DLEC1: variants seen among roughly 807,000 people sequenced by gnomAD.
The protein encoded by DLEC1 is DLEC1 cilia and flagella associated protein.
In DLEC1, 146 loss-of-function variants were observed where a neutral mutation model predicts 198.1. The ratio of observed to expected loss-of-function variants is 0.74; its 90% CI spans 0.64 to 0.85. The LOEUF (loss-of-function observed/expected upper bound fraction) is 0.85. DLEC1 is among the 40% of genes least tolerant of loss of function. DLEC1 has a pLI of 0.00. For missense variants in DLEC1, 2,233 were observed against 2,220.0 expected, an observed-to-expected ratio of 1.01 and a Z score of -0.12; for synonymous variants, 897 against 866.8, an observed-to-expected ratio of 1.03 and a Z score of -0.61.
In DLEC1 at chr3:38,122,686, G is replaced by GTCTT; in HGVS notation, c.*275_*278dup. ...AGCGAAGACCAGTATGGCAAAATTAGTCTTGGAAAAAAACCACAGCCACTA... is the reference window on the plus strand; with the variant it reads ...AGCGAAGACCAGTATGGCAAAATTAGTCTTTCTTGGAAAAAAACCACAGCCACTA... On this transcript the variant is annotated 3_prime_UTR_variant, in exon 37 of 37. Coordinates refer to ENST00000308059, the MANE Select transcript of DLEC1 (RefSeq NM_007335.4). 7.1e-7 allele frequency: 1 copy of GTCTT among 1,412,984 alleles called. No individual in the cohort carries two copies. The highest frequency in any genetic ancestry group is 9.2e-7 in the Non-Finnish European group (1 of 1,082,844). 87.5% of individuals were successfully genotyped at this position (1,412,984 alleles called of 1,614,324 possible).
chr3:38,112,441 C>A lies in DLEC1; in HGVS notation c.3666+80C>A. ...CGCCTTCAGCCTCTCTCCCCTCCAA[C>A]ACCTGGCCCTCAGACTCTCAAACCT... On this transcript the variant is annotated intron_variant, in intron 25 of 36. Coordinates refer to ENST00000308059, the MANE Select transcript of DLEC1 (RefSeq NM_007335.4). The surrounding 1 kb of genome is among the most constrained non-coding windows in gnomAD (Gnocchi z 4.8). 6.3e-7 allele frequency: 1 copy of A among 1,576,594 alleles called. No homozygotes were observed. Among genetic ancestry groups the A allele is most frequent in the East Asian group, 2.3e-5 (1 of 44,242 alleles).
At chr3:38,100,500 A>G (rs1699251779) in intron 19 of DLEC1, 75 bp downstream of exon 19, 5 of 1,416,684 alleles carry the variant, frequency 3.5e-6, no homozygotes, top group South Asian at 3.5e-5. Flanking sequence ...TTATATATTT[A>G]TCTAGAGATG....
intron 1 of DLEC1, among the ~76,000 whole-genome samples, chr3:38,041,863 A>AG (rs1304663069): frequency 2.0e-5 from 3 of 151,958 alleles, no homozygotes; most frequent in African/African-American, 7.2e-5. Flanking sequence ...AAAAAAAAAA[A>AG]AAAGAAATAC....
chr3:38,063,411 C>T (rs1696802892), intron 5 of DLEC1, among the ~76,000 whole-genome samples: 1 of 151,970 alleles, frequency 6.6e-6, no homozygotes, highest in South Asian at 2.1e-4. Context: ...CTGCAGTGAG[C>T]CAAGATTGTG....
At chr3:38,118,623 G>A (rs371558807) in intron 33 of DLEC1, among the ~76,000 whole-genome samples, 1 of 152,112 alleles carries the variant, frequency 6.6e-6, no homozygotes, top group Non-Finnish European at 1.5e-5. Context: ...CTGAGTGTGC[G>A]CACACCCATA....
chr3:38,091,198 C>T (rs1288250466), intron 10 of DLEC1, among the ~76,000 whole-genome samples: 1 of 152,050 alleles, frequency 6.6e-6, no homozygotes, highest in East Asian at 1.9e-4. Context: ...AAAATAGGGG[C>T]CAGGTGCGGT....
intron 6 of DLEC1, among the ~76,000 whole-genome samples, chr3:38,076,558 A>G (rs576679964): frequency 7.2e-5 from 11 of 152,232 alleles, no homozygotes; most frequent in East Asian, 1.9e-4. Flanking sequence ...TCACAAGGTA[A>G]TGTCATCACT....
rs562764572 is a variant in DLEC1, at chr3:38,039,702, A to T, written c.411+66A>T. 12 of 1,511,614 alleles carry T rather than the reference A, an allele frequency of 7.9e-6. No homozygotes were observed. In the African/African-American group the frequency reaches 1.3e-4, roughly 16 times the overall value. The allele number at this position is 1,511,614 out of a possible 1,614,324, so 93.6% of individuals were successfully genotyped here. A position where few individuals can be genotyped will look rare whatever the true frequency, so the allele number is the denominator to read the frequency against. On this transcript the variant is annotated intron_variant, in intron 1 of 36. Coordinates refer to ENST00000308059, the MANE Select transcript of DLEC1 (RefSeq NM_007335.4). Reference sequence around the variant, plus strand: ...GTCTCAGCGCTCGGCACGCGTCAGCACCTGCCAGGTGCCAGGCGCTGTTCC... The same window carrying T: ...GTCTCAGCGCTCGGCACGCGTCAGCTCCTGCCAGGTGCCAGGCGCTGTTCC...
intron 2 of DLEC1, among the ~76,000 whole-genome samples, chr3:38,059,129 G>C (rs527921335): frequency 6.0e-4 from 92 of 152,270 alleles, no homozygotes; most frequent in African/African-American, 2.1e-3. Context: ...GGAATTGGCC[G>C]AGCTGGCTGG....
At chr3:38,061,314 G>A (rs1460478376) in intron 3 of DLEC1, among the ~76,000 whole-genome samples, 1 of 152,116 alleles carries the variant, frequency 6.6e-6, no homozygotes, top group Non-Finnish European at 1.5e-5. Flanking sequence ...GAGTAGCTGG[G>A]ATTAAAGGCG....
chr3:38,113,570 G>C (rs966281272), intron 25 of DLEC1, among the ~76,000 whole-genome samples: 21 of 101,782 alleles, frequency 2.1e-4, no homozygotes, highest in African/African-American at 5.6e-4. Context: ...ATATGTCTCT[G>C]GTCCCAGCTA....
Position 38,115,142 on chromosome 3 carries a change from G to A in DLEC1, c.3856+89G>A, listed in dbSNP as rs80150775. 4.5e-3 allele frequency: 6,638 copies of A among 1,459,286 alleles called. 220 individuals are homozygous for A. The African/African-American group carries it at 0.078, about 17-fold the overall frequency. 90.4% of individuals were successfully genotyped at this position (1,459,286 alleles called of 1,614,324 possible). A position where few individuals can be genotyped will look rare whatever the true frequency, so the allele number is the denominator to read the frequency against. ...TGGGAGGGAAGGTGGGAGGGAAGCC[G>A]ATGGCCCATGAACAGGACCCAGGTG... On this transcript the variant is annotated intron_variant, in intron 27 of 36. Transcript: ENST00000308059.
Position 38,045,848 on chromosome 3 carries a change from A to G in DLEC1, c.562+155A>G, listed in dbSNP as rs140291048. On this transcript the variant is annotated intron_variant, in intron 2 of 36. Coordinates refer to ENST00000308059, the MANE Select transcript of DLEC1 (RefSeq NM_007335.4). ...GAATATTACCACAAAAGAATATTTC[A>G]TTACCACAAAACACTTCTGTATGTG... Among the ~76,000 whole-genome samples, 150 of 152,342 alleles carry G rather than the reference A, an allele frequency of 9.8e-4. 1 individual carries two copies. The highest frequency in any genetic ancestry group is 3.4e-3 in the African/African-American group (143 of 41,570).
At chr3:38,062,540 C>T in intron 4 of DLEC1, 41 bp from the exon 5 acceptor site, 2 of 1,608,228 alleles carry the variant, frequency 1.2e-6, no homozygotes, top group South Asian at 2.2e-5. Context: ...AGCACAATCC[C>T]TTTGCCTGTC....
chr3:38,074,961 G>A (rs772088023), intron 6 of DLEC1, among the ~76,000 whole-genome samples: 5 of 152,206 alleles, frequency 3.3e-5, no homozygotes, highest in Non-Finnish European at 5.9e-5. Context: ...TGTTGGGCGG[G>A]TGGGGAAAAG....
rs199732804 is a variant in DLEC1, at chr3:38,084,253, C to G, written c.1261+8C>G. ...ACTTCGCTCTGGGACTGGGTAAGTT[C>G]AGTATTTGTAAGTTCATTAGTAGTA... On this transcript the variant is annotated splice_region_variant and intron_variant, in intron 7 of 36. Transcript: ENST00000308059. The G allele has an allele frequency of 5.2e-5, 83 of 1,609,530 alleles. 3 individuals carry two copies. In the South Asian group the frequency reaches 9.0e-4, roughly 17 times the overall value.
At chr3:38,047,254 T>A (rs1488991263) in intron 2 of DLEC1, among the ~76,000 whole-genome samples, 1 of 152,160 alleles carries the variant, frequency 6.6e-6, no homozygotes, top group African/African-American at 2.4e-5. Context: ...GTTTAAAGAG[T>A]GATCCTTTAG....
chr3:38,054,482 C>G (rs533136596), intron 2 of DLEC1, among the ~76,000 whole-genome samples: 1 of 152,242 alleles, frequency 6.6e-6, no homozygotes, highest in South Asian at 2.1e-4. Flanking sequence ...GAGCCTCTTG[C>G]TGGCACAGGT....
chr3:38,040,112 C>G (rs12715305), intron 1 of DLEC1, among the ~76,000 whole-genome samples: 64,239 of 151,948 alleles, frequency 0.42, 14,199 homozygotes, highest in East Asian at 0.59. Context: ...AGCTGACTCG[C>G]GGCCTCTGTG....
Sources: gnomAD v4.1 joint callset for allele counts (sites outside exome capture counted in the v4.1 genomes callset) on GRCh38, gnomAD v4.1.1 for gene constraint, Gnocchi (gnomAD v3.1) non-coding constraint, MANE v1.5 for transcripts, NCBI Gene and HGNC (gene_info 2026-07-23, HGNC 2026-07-21) for gene names.